NFIB: variants seen among roughly 807,000 people sequenced by gnomAD.
NFIB encodes nuclear factor 1 B-type.
A neutral mutation model predicts 61.5 loss-of-function variants in NFIB; 11 were observed. That is an observed-to-expected ratio of 0.18 (90% CI 0.11 to 0.30). The LOEUF (loss-of-function observed/expected upper bound fraction) is 0.30, where lower values mean the gene tolerates loss of function less well. Ranked by LOEUF, NFIB falls within the 10% of genes least tolerant of loss-of-function variation. The pLI is 1.00. For synonymous variants in NFIB, 260 were observed against 216.5 expected, an observed-to-expected ratio of 1.20 and a Z score of -1.76; for missense variants, 471 against 608.9, an observed-to-expected ratio of 0.77 and a Z score of 2.38.
chr9:14,330,207 G>A (rs1166691702), intron 1 of NFIB, among the ~76,000 whole-genome samples: 1 of 152,140 alleles, frequency 6.6e-6, no homozygotes, highest in Non-Finnish European at 1.5e-5. Flanking sequence ...ATCACTTTAT[G>A]GGGATAACAT....
Position 14,313,691 on chromosome 9 carries a change from C to A in NFIB, c.-180G>T. On this transcript the variant is annotated 5_prime_UTR_variant, in exon 1 of 11. Coordinates refer to ENST00000380953, the MANE Select transcript of NFIB (RefSeq NM_001190737.2). The surrounding 1 kb of genome is among the most constrained non-coding windows in gnomAD (Gnocchi z 4.5). ...AGTCCTCCTTAAATAGCCAAAGATT[C>A]AAGTTCACTCGGCGTGCTAGATTTC... The A allele has an allele frequency of 7.0e-7, 1 of 1,431,076 alleles. No individual in the cohort carries two copies. Among genetic ancestry groups the A allele is most frequent in the Non-Finnish European group, 9.2e-7 (1 of 1,092,208 alleles). 88.6% of individuals were successfully genotyped at this position (1,431,076 alleles called of 1,614,324 possible).
intron 7 of NFIB, among the ~76,000 whole-genome samples, chr9:14,123,030 G>A (rs888337736): frequency 6.6e-6 from 1 of 151,948 alleles, no homozygotes; most frequent in African/African-American, 2.4e-5. Flanking sequence ...GGGTGGAGTG[G>A]ATCACTTGAG....
the NFIB span, among the ~76,000 whole-genome samples, chr9:14,415,274 G>A: frequency 6.6e-6 from 1 of 152,134 alleles, no homozygotes; most frequent in South Asian, 2.1e-4. Context: ...TTCTCATCAT[G>A]ACCACTTACT....
chr9:14,225,672 A>G (rs1164712694), intron 2 of NFIB, among the ~76,000 whole-genome samples: 2 of 152,194 alleles, frequency 1.3e-5, no homozygotes, highest in Non-Finnish European at 1.5e-5. Context: ...AGAAAGTAAT[A>G]GTAAGTTTTC....
At chr9:14,428,110 T>C in the NFIB span, among the ~76,000 whole-genome samples, 1 of 151,688 alleles carries the variant, frequency 6.6e-6, no homozygotes, top group Admixed American at 6.6e-5. Flanking sequence ...CGTACCTCGC[T>C]AATTTTTATA....
intron 3 of NFIB, among the ~76,000 whole-genome samples, chr9:14,173,245 G>C (rs1365736581): frequency 6.6e-6 from 1 of 152,064 alleles, no homozygotes; most frequent in African/African-American, 2.4e-5. Context: ...TGGCTGACTT[G>C]CTCATTCTCC....
intron 1 of NFIB, among the ~76,000 whole-genome samples, chr9:14,344,769 G>A (rs1411859492): frequency 7.5e-6 from 1 of 133,498 alleles, no homozygotes; most frequent in Non-Finnish European, 1.5e-5. Flanking sequence ...AAGACAAAAA[G>A]GAGAAAAAAA....
chr9:14,094,433 T>C (rs1393699481), intron 10 of NFIB: 1 of 152,128 alleles, frequency 6.6e-6, no homozygotes, highest in Non-Finnish European at 1.5e-5. Flanking sequence ...AATAATTTGT[T>C]TGTTGAGTTC....
intron 6 of NFIB, among the ~76,000 whole-genome samples, chr9:14,128,649 GATAGTGTCATTGCACTC>G (rs1451063883): frequency 1.4e-5 from 2 of 145,046 alleles, no homozygotes; most frequent in Admixed American, 1.4e-4. Context: ...AGTGAGCCAA[GATAGTGTCATTGCACTC>G]CAGCCGCGAC....
At chr9:14,395,853 G>A (rs2061679311) in intron 1 of NFIB, among the ~76,000 whole-genome samples, 1 of 146,782 alleles carries the variant, frequency 6.8e-6, no homozygotes, top group South Asian at 2.2e-4. Flanking sequence ...CCTTGCCTCA[G>A]TGCGGGTGAG....
chr9:14,488,212 A>T, the NFIB span, among the ~76,000 whole-genome samples: 1 of 152,068 alleles, frequency 6.6e-6, no homozygotes, highest in Admixed American at 6.6e-5. Flanking sequence ...AAACATTAAA[A>T]ATTAGCCAGG....
At chr9:14,302,464 G>A (rs1485467737) in intron 2 of NFIB, among the ~76,000 whole-genome samples, 2 of 152,060 alleles carry the variant, frequency 1.3e-5, no homozygotes, top group Admixed American at 6.6e-5. Context: ...CACCCAACAA[G>A]AGATCATAAT....
chr9:14,295,802 C>T (rs1014695322), intron 2 of NFIB, among the ~76,000 whole-genome samples: 3 of 152,108 alleles, frequency 2.0e-5, no homozygotes, highest in Admixed American at 6.6e-5. Context: ...CAGTGAATTA[C>T]GAGTACTTGA....
rs2032242332 is a variant in NFIB, at chr9:14,082,962, A to G, written c.*5347T>C. The G allele has an allele frequency of 4.9e-6, 1 of 206,104 alleles. No homozygotes were observed. The highest frequency in any genetic ancestry group is 1.9e-4 in the South Asian group (1 of 5,278). 12.8% of individuals were successfully genotyped at this position (206,104 alleles called of 1,614,324 possible). A position where few individuals can be genotyped will look rare whatever the true frequency, so the allele number is the denominator to read the frequency against. On this transcript the variant is annotated 3_prime_UTR_variant, in exon 11 of 11. Transcript: ENST00000380953. ...TGTTGTTCCTGGTACTGTATCATGC[A>G]ATAAGTCATCAAGGGCTTAGTCTAG...
chr9:14,518,890 C>A, the NFIB span, among the ~76,000 whole-genome samples: 2 of 152,194 alleles, frequency 1.3e-5, no homozygotes, highest in East Asian at 3.9e-4. Context: ...TGCTCAGCCA[C>A]TGGGAGATGG....
chr9:14,137,396 A>G (rs1275514556), intron 6 of NFIB, among the ~76,000 whole-genome samples: 1 of 152,188 alleles, frequency 6.6e-6, no homozygotes, highest in Non-Finnish European at 1.5e-5. Context: ...GTTTAAAATG[A>G]ACATTCAAAA....
chr9:14,400,021 T>C (rs1162138805), upstream of NFIB, among the ~76,000 whole-genome samples: 2 of 151,818 alleles, frequency 1.3e-5, no homozygotes, highest in East Asian at 1.9e-4. Flanking sequence ...CAATACTAGA[T>C]CAAAGGCAAA....
chr9:14,172,357 T>G (rs781130593), intron 3 of NFIB, among the ~76,000 whole-genome samples: 3 of 151,926 alleles, frequency 2.0e-5, no homozygotes, highest in Non-Finnish European at 4.4e-5. Context: ...GTAAGAGGGC[T>G]AGGAAAAGTA....
intron 2 of NFIB, among the ~76,000 whole-genome samples, chr9:14,257,040 T>C (rs2056283122): frequency 6.6e-6 from 1 of 152,170 alleles, no homozygotes; most frequent in African/African-American, 2.4e-5. Flanking sequence ...ACTGTCACTT[T>C]TATGGATTAG....
Sources: gnomAD v4.1 joint callset for allele counts (sites outside exome capture counted in the v4.1 genomes callset) on GRCh38, gnomAD v4.1.1 for gene constraint, Gnocchi (gnomAD v3.1) non-coding constraint, MANE v1.5 for transcripts, NCBI Gene and HGNC (gene_info 2026-07-23, HGNC 2026-07-21) for gene names.